The following GCN1 variants were observed in gnomAD, a reference collection of about 807,000 sequenced individuals.
GCN1 encodes the protein GCN1 activator of EIF2AK4, also known as stalled ribosome sensor GCN1.
A neutral mutation model predicts 288.4 loss-of-function variants in GCN1; 90 were observed. That is an observed-to-expected ratio of 0.31 (90% CI 0.26 to 0.37). The LOEUF (loss-of-function observed/expected upper bound fraction) is 0.37. GCN1 is among the 10% of genes least tolerant of loss of function. The pLI is 1.00. For synonymous variants in GCN1, 1,386 were observed against 1,420.2 expected, an observed-to-expected ratio of 0.98 and a Z score of 0.54; for missense variants, 2,586 against 3,419.9, an observed-to-expected ratio of 0.76 and a Z score of 6.08.
At position 120,184,912 on chromosome 12, in the gene GCN1, G is replaced by A. The variant is rs761582502; in HGVS notation, c.122-25C>T. ...TCTGAAACCAGAGATTACACAGACAGCGGTCAATAAAAATCACTTGGTAAG... is the reference window on the plus strand; with the variant it reads ...TCTGAAACCAGAGATTACACAGACAACGGTCAATAAAAATCACTTGGTAAG... On this transcript the variant is annotated intron_variant, in intron 2 of 57. Coordinates refer to ENST00000300648, the MANE Select transcript of GCN1 (RefSeq NM_006836.2). 5 of 1,561,416 alleles carry A rather than the reference G, an allele frequency of 3.2e-6. No homozygotes were observed. In the South Asian group the frequency reaches 4.4e-5, roughly 14 times the overall value.
chr12:120,134,612 T>C lies in GCN1; in HGVS notation c.7123A>G (p.Ile2375Val). 2 of 1,614,084 alleles carry C rather than the reference T, an allele frequency of 1.2e-6. No individual in the cohort carries two copies. Among genetic ancestry groups the C allele is most frequent in the Middle Eastern group, 1.7e-4 (1 of 6,054 alleles). The change falls in exon 52 of 58, where the codon ATT (isoleucine) becomes GTT (valine). Residue 2375 changes from isoleucine (I) to valine (V), a missense_variant. Transcript: ENST00000300648. The surrounding 1 kb of genome is among the most constrained non-coding windows in gnomAD (Gnocchi z 5.0). ...LKAADALGKL[I>V]SIHIKVDPLF... ...GGGTCCACCTTAATGTGGATGGAAA[T>C]GAGCTTCCCCAGAGCATCTGCGGCC...
intron 36 of GCN1, 64 bp from the exon 37 acceptor site, chr12:120,148,410 C>A: frequency 2.2e-6 from 3 of 1,376,288 alleles, no homozygotes; most frequent in Non-Finnish European, 1.0e-6. Flanking sequence ...CTCACCTGTG[C>A]TGGCTACATG....
In GCN1 at chr12:120,142,467, A is replaced by G. The variant is rs781685327; in HGVS notation, c.5829+40T>C. The G allele has an allele frequency of 8.8e-6, 13 of 1,484,498 alleles. No homozygotes were observed. The highest frequency in any genetic ancestry group is 1.2e-5 in the Non-Finnish European group (13 of 1,063,118). The allele number at this position is 1,484,498 out of a possible 1,614,324, so 92.0% of individuals were successfully genotyped here. A position where few individuals can be genotyped will look rare whatever the true frequency, so the allele number is the denominator to read the frequency against. Reference sequence around the variant, plus strand: ...AGCCTTCTAGGCTCTGAAAGGAGGCACTGGGGCTGCTGGTCCAAAACAAGG... The same window carrying G: ...AGCCTTCTAGGCTCTGAAAGGAGGCGCTGGGGCTGCTGGTCCAAAACAAGG... On this transcript the variant is annotated intron_variant, in intron 44 of 57. Transcript: ENST00000300648. This position sits in a 1 kb window ranked among gnomAD's most constrained non-coding sequence, Gnocchi z 4.9.
chr12:120,136,407 T>C, intron 51 of GCN1, 95 bp downstream of exon 51: 1 of 919,334 alleles, frequency 1.1e-6, no homozygotes, highest in South Asian at 1.5e-5. Context: ...CTCTCCACAA[T>C]AAATCTGTTG....
At chr12:120,130,555 A>G (rs1876782353) in intron 56 of GCN1, 91 bp downstream of exon 56, 2 of 820,224 alleles carry the variant, frequency 2.4e-6, no homozygotes, top group Non-Finnish European at 4.3e-6. Flanking sequence ...GCACACAACT[A>G]GTTGAGGGCG....
At position 120,151,356 on chromosome 12, in the gene GCN1, A is replaced by G. The variant is rs2286046; in HGVS notation, c.4098T>C (p.Leu1366=). 1,292,751 of 1,613,604 alleles carry G rather than the reference A, an allele frequency of 0.8. 521,293 individuals are homozygous for G. The highest frequency in any genetic ancestry group is 0.98 in the East Asian group (44,187 of 44,860). ...QESVASCLPP[L]VPAIKEDAGG... ...CAGCATCCTCCTTGATGGCTGGCAC[A>G]AGGGGTGGCAAGCAGCTGGCTACGG... Residue 1366 remains leucine (L), a synonymous_variant, in exon 34 of 58, where the codon CTT becomes CTC. Transcript: ENST00000300648.
chr12:120,156,398 T>C lies in GCN1; in HGVS notation c.3312+63A>G. On this transcript the variant is annotated intron_variant, in intron 28 of 57. Coordinates refer to ENST00000300648, the MANE Select transcript of GCN1 (RefSeq NM_006836.2). The surrounding 1 kb of genome is among the most constrained non-coding windows in gnomAD (Gnocchi z 5.8). Reference sequence around the variant, plus strand: ...GGGACATTCTCTCAAATGCCCATCATGCAATTTGCACTTGCATAGAGTGAC... The same window carrying C: ...GGGACATTCTCTCAAATGCCCATCACGCAATTTGCACTTGCATAGAGTGAC... 1.3e-6 allele frequency: 2 copies of C among 1,512,320 alleles called. No individual in the cohort carries two copies. The highest frequency in any genetic ancestry group is 1.8e-6 in the Non-Finnish European group (2 of 1,096,032). The allele number at this position is 1,512,320 out of a possible 1,614,324, so 93.7% of individuals were successfully genotyped here.
At chr12:120,172,012 C>T (rs570296941) in intron 14 of GCN1, among the ~76,000 whole-genome samples, 2 of 152,234 alleles carry the variant, frequency 1.3e-5, no homozygotes, top group East Asian at 3.9e-4. Flanking sequence ...CAGGCATGTA[C>T]CACCATGCCC....
Position 120,142,935 on chromosome 12 carries a change from G to A in GCN1, c.5502C>T (p.Ser1834=). The A allele has an allele frequency of 6.2e-7, 1 of 1,605,136 alleles. No homozygotes were observed. Among genetic ancestry groups the A allele is most frequent in the East Asian group, 2.2e-5 (1 of 44,842 alleles). The change falls in exon 43 of 58, where the codon AGC becomes AGT. Residue 1834 remains serine, a synonymous_variant. Transcript: ENST00000300648. This position sits in a 1 kb window ranked among gnomAD's most constrained non-coding sequence, Gnocchi z 4.9. Reference sequence around the variant, plus strand: ...GGAGATCCCCAAGGAGCTGAACAGAGCTGAACCTGAGAAGGAGGCCAACAA... The same window carrying A: ...GGAGATCCCCAAGGAGCTGAACAGAACTGAACCTGAGAAGGAGGCCAACAA... ...LFDDLWRIRF[S]SVQLLGDLLF...
At position 120,130,668 on chromosome 12, in the gene GCN1, T is replaced by C. The variant is rs766499232; in HGVS notation, c.7649A>G (p.Lys2550Arg). 1.2e-6 allele frequency: 2 copies of C among 1,613,652 alleles called. No individual in the cohort carries two copies. Among genetic ancestry groups the C allele is most frequent in the Non-Finnish European group, 1.7e-6 (2 of 1,179,630 alleles). The part of the protein sequence containing the change: ...IETGGGQLPA[K>R]LSSLFVKCLQ... ...CACCTTAACGAACAGGCTGGAAAGTTTGGCCGGCAACTGCCCTCCGCCTGT... is the reference window on the plus strand; with the variant it reads ...CACCTTAACGAACAGGCTGGAAAGTCTGGCCGGCAACTGCCCTCCGCCTGT... Residue 2550 changes from lysine to arginine, a missense_variant, in exon 56 of 58, where the codon AAA (lysine) becomes AGA (arginine). By Grantham distance (26) the Lys-to-Arg change is conservative. This residue lies in a region of GCN1 where 355 missense variants were observed against 431.1 expected (regional missense o/e 0.82). Transcript: ENST00000300648.
chr12:120,177,644 G>T, intron 8 of GCN1, 40 bp downstream of exon 8: 1 of 1,568,122 alleles, frequency 6.4e-7, no homozygotes. Context: ...TTGAAAATGG[G>T]ATCAGTTGTC....
intron 16 of GCN1, among the ~76,000 whole-genome samples, chr12:120,166,727 A>G (rs1427488079): frequency 6.6e-6 from 1 of 150,744 alleles, no homozygotes; most frequent in East Asian, 2.0e-4. Flanking sequence ...AAAAATTACT[A>G]AGGCCAGGCA....
chr12:120,145,183 C>T lies in GCN1; in HGVS notation c.5016+79G>A, dbSNP rs373053112. The T allele has an allele frequency of 3.8e-5, 59 of 1,556,044 alleles. 1 individual carries two copies. Among genetic ancestry groups the T allele is most frequent in the African/African-American group, 2.4e-4 (18 of 73,530 alleles). ...CTTTACCCAACAGACACAAAAGCAGCTTTGGGGAATTCTCAGGAATCCATT... is the reference window on the plus strand; with the variant it reads ...CTTTACCCAACAGACACAAAAGCAGTTTTGGGGAATTCTCAGGAATCCATT... On this transcript the variant is annotated intron_variant, in intron 39 of 57. Coordinates refer to ENST00000300648, the MANE Select transcript of GCN1 (RefSeq NM_006836.2).
chr12:120,155,119 A>G lies in GCN1; in HGVS notation c.3631-79T>C. The G allele has an allele frequency of 6.6e-7, 1 of 1,519,376 alleles. No individual in the cohort carries two copies. Among genetic ancestry groups the G allele is most frequent in the Non-Finnish European group, 9.1e-7 (1 of 1,093,770 alleles). 94.1% of individuals were successfully genotyped at this position (1,519,376 alleles called of 1,614,324 possible). ...CACCAGGATTGTGAGGCAGGAAACT[A>G]GCCGCAGCTACCCTGAGCCACCGTG... On this transcript the variant is annotated intron_variant, in intron 30 of 57. Coordinates refer to ENST00000300648, the MANE Select transcript of GCN1 (RefSeq NM_006836.2). This position sits in a 1 kb window ranked among gnomAD's most constrained non-coding sequence, Gnocchi z 4.9.
Position 120,158,398 on chromosome 12 carries a change from GAGC to G in GCN1, c.2905+59_2905+61del, listed in dbSNP as rs745892930. On this transcript the variant is annotated intron_variant, in intron 25 of 57. Coordinates refer to ENST00000300648, the MANE Select transcript of GCN1 (RefSeq NM_006836.2). The surrounding 1 kb of genome is among the most constrained non-coding windows in gnomAD (Gnocchi z 4.3). ...GAGGCCCTGGGTGACGCTGTGCCTTGAGCAGCATTCCTGGCACCAGCTCACACC... is the reference window on the plus strand; with the variant it reads ...GAGGCCCTGGGTGACGCTGTGCCTTGAGCATTCCTGGCACCAGCTCACACC... 3.3e-5 allele frequency: 46 copies of G among 1,401,820 alleles called. No homozygotes were observed. The highest frequency in any genetic ancestry group is 3.8e-5 in the Non-Finnish European group (39 of 1,036,510). 86.8% of individuals were successfully genotyped at this position (1,401,820 alleles called of 1,614,324 possible). A position where few individuals can be genotyped will look rare whatever the true frequency, so the allele number is the denominator to read the frequency against.
intron 56 of GCN1, 133 bp from the exon 57 acceptor site, chr12:120,129,627 G>A (rs192387975): frequency 7.3e-6 from 5 of 687,654 alleles, no homozygotes; most frequent in South Asian, 1.7e-5. Context: ...GAGGGTCCCA[G>A]CATGACTCGA....
intron 2 of GCN1, among the ~76,000 whole-genome samples, chr12:120,187,501 C>T (rs907504050): frequency 2.6e-5 from 4 of 152,066 alleles, no homozygotes; most frequent in Non-Finnish European, 4.4e-5. Flanking sequence ...CAGGTGTGAG[C>T]CACCAAGCCC....
In GCN1 at chr12:120,153,205, G is replaced by A; in HGVS notation, c.4062+8C>T. On this transcript the variant is annotated splice_region_variant and intron_variant, in intron 33 of 57. Transcript: ENST00000300648. The surrounding 1 kb of genome is among the most constrained non-coding windows in gnomAD (Gnocchi z 4.4). ...CGACATGTGGGTCCCAGGCCAGATG[G>A]CAGGTACCTGCTGGGAGGGGGTGGA... 6.2e-7 allele frequency: 1 copy of A among 1,612,554 alleles called. No homozygotes were observed. The highest frequency in any genetic ancestry group is 8.5e-7 in the Non-Finnish European group (1 of 1,178,692).
At position 120,177,670 on chromosome 12, in the gene GCN1, C is replaced by T. The variant is rs1255579112; in HGVS notation, c.729+14G>A. 3.1e-6 allele frequency: 5 copies of T among 1,603,470 alleles called. No individual in the cohort carries two copies. The African/African-American group carries it at 5.4e-5, about 17-fold the overall frequency. On this transcript the variant is annotated intron_variant, in intron 8 of 57. Transcript: ENST00000300648. ...ATCAGTTGTCCAGGTGAGTAACGTC[C>T]ACCTCTCGCTCACCAACAGGTACTT...
Sources: gnomAD v4.1 joint callset for allele counts (sites outside exome capture counted in the v4.1 genomes callset) on GRCh38, gnomAD v4.1.1 for gene constraint, gnomAD v4.1.1 regional missense constraint, Gnocchi (gnomAD v3.1) non-coding constraint, MANE v1.5 for transcripts, NCBI Gene and HGNC (gene_info 2026-07-23, HGNC 2026-07-21) for gene names.